Variants in PLCXD3 observed in about 807,000 individuals in gnomAD.
The protein encoded by PLCXD3 is phosphatidylinositol specific phospholipase C X domain containing 3, also known as PI-PLC X domain-containing protein 3.
In PLCXD3, 19 loss-of-function variants were observed where a neutral mutation model predicts 25.5. The ratio of observed to expected loss-of-function variants is 0.75; its 90% confidence interval spans 0.52 to 1.09. PLCXD3 has a LOEUF of 1.09. Ranked by LOEUF, PLCXD3 falls within the 50% of genes least tolerant of loss-of-function variation. The pLI is 0.00. For synonymous variants in PLCXD3, 174 were observed against 137.6 expected, an observed-to-expected ratio of 1.26 and a Z score of -1.85; for missense variants, 411 against 388.1, an observed-to-expected ratio of 1.06 and a Z score of -0.50.
intron 1 of PLCXD3, among the ~76,000 whole-genome samples, chr5:41,387,376 G>T (rs1017481868): frequency 5.3e-5 from 8 of 152,112 alleles, no homozygotes; most frequent in Non-Finnish European, 1.2e-4. Context: ...GAAGCTGTGA[G>T]AAAATTTGTA....
chr5:41,441,027 G>T (rs1400136531), intron 1 of PLCXD3, among the ~76,000 whole-genome samples: 4 of 152,158 alleles, frequency 2.6e-5, no homozygotes, highest in Non-Finnish European at 5.9e-5. Context: ...TCAGTTTTCT[G>T]GTTCTTGCAG....
chr5:41,351,996 A>C (rs552188319), intron 2 of PLCXD3, among the ~76,000 whole-genome samples: 9 of 152,332 alleles, frequency 5.9e-5, no homozygotes, highest in Admixed American at 5.9e-4. Flanking sequence ...CATGGTGACT[A>C]TTGCATTTCA....
chr5:41,328,978 A>G (rs1435439310), intron 2 of PLCXD3, among the ~76,000 whole-genome samples: 1 of 152,148 alleles, frequency 6.6e-6, no homozygotes, highest in Non-Finnish European at 1.5e-5. Context: ...TAACTGGCCT[A>G]CAGGGCCCTG....
At chr5:41,448,471 T>C (rs1228443305) in intron 1 of PLCXD3, among the ~76,000 whole-genome samples, 1 of 152,182 alleles carries the variant, frequency 6.6e-6, no homozygotes, top group Non-Finnish European at 1.5e-5. Flanking sequence ...ATTGATAGAA[T>C]TAGAGAGCAA....
intron 1 of PLCXD3, among the ~76,000 whole-genome samples, chr5:41,468,836 C>A (rs150582901): frequency 6.6e-6 from 1 of 152,108 alleles, no homozygotes; most frequent in Non-Finnish European, 1.5e-5. Flanking sequence ...GAGACAATTT[C>A]ACTTCCTCTA....
Position 41,308,558 on chromosome 5 carries a change from T to C in PLCXD3, c.*5059A>G, listed in dbSNP as rs1039218225. ...AGTCATGAGTTTTCTATTGCTAGACTAATTCTACACGTGGGGCAGACCAGA... is the reference window on the plus strand; with the variant it reads ...AGTCATGAGTTTTCTATTGCTAGACCAATTCTACACGTGGGGCAGACCAGA... On this transcript the variant is annotated 3_prime_UTR_variant, in exon 3 of 3. Transcript: ENST00000377801. 1 of 152,162 alleles carries C rather than the reference T, an allele frequency of 6.6e-6. No homozygotes were observed. Among genetic ancestry groups the C allele is most frequent in the Non-Finnish European group, 1.5e-5 (1 of 68,020 alleles). The allele number at this position is 152,162 out of a possible 1,614,324, so 9.4% of individuals were successfully genotyped here.
At chr5:41,389,236 T>A (rs1745734134) in intron 1 of PLCXD3, among the ~76,000 whole-genome samples, 1 of 152,112 alleles carries the variant, frequency 6.6e-6, no homozygotes. Flanking sequence ...ACTGAAAAAC[T>A]TCAGCCCTCA....
At chr5:41,462,613 T>C (rs1360061061) in intron 1 of PLCXD3, among the ~76,000 whole-genome samples, 1 of 151,938 alleles carries the variant, frequency 6.6e-6, no homozygotes, top group African/African-American at 2.4e-5. Flanking sequence ...GAGTTCCATG[T>C]AGCAGAAGCC....
chr5:41,430,899 C>A (rs942872283), intron 1 of PLCXD3, among the ~76,000 whole-genome samples: 18 of 152,080 alleles, frequency 1.2e-4, no homozygotes, highest in Non-Finnish European at 2.2e-4. Context: ...AGCCACAGCC[C>A]ATCAAAATGT....
At chr5:41,453,292 G>A (rs181222542) in intron 1 of PLCXD3, among the ~76,000 whole-genome samples, 1 of 151,020 alleles carries the variant, frequency 6.6e-6, no homozygotes, top group Non-Finnish European at 1.5e-5. Flanking sequence ...CCAAAGAGAT[G>A]ATTCCAATGT....
chr5:41,504,725 C>G (rs1039636300), intron 1 of PLCXD3, among the ~76,000 whole-genome samples: 2 of 152,164 alleles, frequency 1.3e-5, no homozygotes, highest in African/African-American at 4.8e-5. Context: ...GACAACTCTC[C>G]AAAGCTTTCC....
intron 1 of PLCXD3, among the ~76,000 whole-genome samples, chr5:41,422,298 C>T (rs1466571148): frequency 6.6e-6 from 1 of 152,116 alleles, no homozygotes; most frequent in Non-Finnish European, 1.5e-5. Context: ...ACTGAAATCT[C>T]CTTGAGGAGC....
At chr5:41,320,037 C>T (rs1187056262) in intron 2 of PLCXD3, among the ~76,000 whole-genome samples, 5 of 152,028 alleles carry the variant, frequency 3.3e-5, no homozygotes, top group Non-Finnish European at 7.4e-5. Flanking sequence ...ACACATACAA[C>T]CTACCAAGAT....
chr5:41,459,918 G>A (rs1048826522), intron 1 of PLCXD3, among the ~76,000 whole-genome samples: 3 of 151,828 alleles, frequency 2.0e-5, no homozygotes, highest in African/African-American at 7.3e-5. Flanking sequence ...GAGAGGGAAA[G>A]GAGAAATTAT....
At chr5:41,424,572 A>C (rs1746907183) in intron 1 of PLCXD3, among the ~76,000 whole-genome samples, 1 of 152,216 alleles carries the variant, frequency 6.6e-6, no homozygotes, top group Non-Finnish European at 1.5e-5. Context: ...TTTCACTCTA[A>C]GAACCAGTTT....
chr5:41,465,354 T>TTTTTTTTTTTTG (rs1747992339), intron 1 of PLCXD3, among the ~76,000 whole-genome samples: 1 of 40,546 alleles, frequency 2.5e-5, no homozygotes, highest in Non-Finnish European at 5.7e-5. Flanking sequence ...AGTTCTTGTC[T>TTTTTTTTTTTTG]TTTTTTTTTT....
chr5:41,366,472 C>A lies in PLCXD3; in HGVS notation c.812+15354G>T, dbSNP rs147866357. Among the ~76,000 whole-genome samples the A allele has an allele frequency of 1.9e-4, 29 of 152,260 alleles. No homozygotes were observed. The East Asian group carries it at 5.0e-3, about 26-fold the overall frequency. ...TATATCTTCAATTGGGAGATAAGATCACACTGCATGTGAAACTCTTCTTTC... is the reference window on the plus strand; with the variant it reads ...TATATCTTCAATTGGGAGATAAGATAACACTGCATGTGAAACTCTTCTTTC... On this transcript the variant is annotated intron_variant, in intron 2 of 2. Transcript: ENST00000377801.
intron 1 of PLCXD3, among the ~76,000 whole-genome samples, chr5:41,470,736 A>T (rs183132759): frequency 2.6e-5 from 4 of 152,336 alleles, no homozygotes; most frequent in Admixed American, 2.0e-4. Flanking sequence ...AAAGACTAGA[A>T]TATTATTTTC....
intron 1 of PLCXD3, among the ~76,000 whole-genome samples, chr5:41,506,085 G>A (rs1240954237): frequency 6.6e-6 from 1 of 152,174 alleles, no homozygotes; most frequent in African/African-American, 2.4e-5. Context: ...TAGATCTGAT[G>A]TGTGATGTGC....
Sources: gnomAD v4.1 joint callset for allele counts (sites outside exome capture counted in the v4.1 genomes callset) on GRCh38, gnomAD v4.1.1 for gene constraint, MANE v1.5 for transcripts, NCBI Gene and HGNC (gene_info 2026-07-23, HGNC 2026-07-21) for gene names.